Variants in ATP9A observed in about 807,000 individuals in gnomAD.
The protein encoded by ATP9A is ATPase phospholipid transporting 9A.
ATP9A carries 52 observed loss-of-function variants against 144.1 expected under a neutral mutation model. The ratio of observed to expected loss-of-function variants is 0.36; its 90% CI spans 0.29 to 0.45. ATP9A has a LOEUF of 0.45. Among genes scored for constraint, ATP9A ranks in the 20% least tolerant of loss-of-function variants. The pLI is 1.00. For synonymous variants in ATP9A, 582 were observed against 557.4 expected (o/e 1.04, Z -0.62); for missense variants, 947 against 1,392.7 (o/e 0.68, Z 5.09).
At chr20:51,606,536 A>G (rs2077164403) in intron 26 of ATP9A, among the ~76,000 whole-genome samples, 1 of 152,216 alleles carries the variant, frequency 6.6e-6, no homozygotes, top group South Asian at 2.1e-4. Flanking sequence ...ATCTCTACAA[A>G]AAATACAAAA....
At chr20:51,696,243 T>C (rs925687264) in intron 5 of ATP9A, 99 bp from the exon 6 acceptor site, 14 of 1,048,586 alleles carry the variant, frequency 1.3e-5, no homozygotes, top group African/African-American at 4.8e-5. Context: ...CCTCGGTGGG[T>C]TGGGGCAGGG....
intron 21 of ATP9A, among the ~76,000 whole-genome samples, chr20:51,618,384 C>T (rs757567006): frequency 7.9e-5 from 12 of 152,112 alleles, no homozygotes; most frequent in Non-Finnish European, 1.6e-4. Context: ...AACCCAGATC[C>T]AACCCCACAG....
At chr20:51,618,624 C>T in intron 21 of ATP9A, 38 bp downstream of exon 21, 1 of 1,576,850 alleles carries the variant, frequency 6.3e-7, no homozygotes, top group Non-Finnish European at 8.6e-7. Flanking sequence ...GGTGCACCGG[C>T]AGGCCAGGGC....
chr20:51,702,417 G>A (rs932253619), intron 4 of ATP9A, among the ~76,000 whole-genome samples: 5 of 146,942 alleles, frequency 3.4e-5, no homozygotes, highest in Non-Finnish European at 7.5e-5. Context: ...TGTAATGAGA[G>A]AAAATACAAA....
At chr20:51,650,336 C>A (rs545125086) in intron 14 of ATP9A, among the ~76,000 whole-genome samples, 1 of 152,202 alleles carries the variant, frequency 6.6e-6, no homozygotes, top group South Asian at 2.1e-4. Flanking sequence ...GAATTTGAGA[C>A]CAGCCTGGCC....
intron 2 of ATP9A, among the ~76,000 whole-genome samples, chr20:51,727,649 T>C (rs555041663): frequency 5.9e-5 from 9 of 152,098 alleles, no homozygotes; most frequent in African/African-American, 1.7e-4. Flanking sequence ...AAAAGTTAAA[T>C]GGCCGCACAC....
At chr20:51,621,573 G>A (rs1351819388) in intron 19 of ATP9A, among the ~76,000 whole-genome samples, 1 of 152,162 alleles carries the variant, frequency 6.6e-6, no homozygotes, top group Non-Finnish European at 1.5e-5. Context: ...CACAAGGGCG[G>A]GCGATTTCTC....
intron 9 of ATP9A, among the ~76,000 whole-genome samples, chr20:51,681,557 GA>G (rs2077499891): frequency 6.6e-6 from 1 of 151,608 alleles, no homozygotes; most frequent in East Asian, 1.9e-4. Flanking sequence ...AAGTAACTGG[GA>G]CTACAGGTGC....
chr20:51,640,046 T>C (rs755911040), intron 14 of ATP9A, among the ~76,000 whole-genome samples: 37 of 151,994 alleles, frequency 2.4e-4, no homozygotes, highest in Non-Finnish European at 2.6e-4. Context: ...GATCACGCCA[T>C]TGCACTCCAG....
chr20:51,601,650 A>C lies in ATP9A; in HGVS notation c.3008-303T>G, dbSNP rs184976887. Among the ~76,000 whole-genome samples, 460 of 152,344 alleles carry C rather than the reference A, an allele frequency of 3.0e-3. 2 individuals carry two copies. Among genetic ancestry groups the C allele is most frequent in the African/African-American group, 0.011 (447 of 41,594 alleles). ...CACCAGATGCAGTGGCTCATGCCTT[A>C]ATCCCAGCACTCTGGGAGGCCAAGG... On this transcript the variant is annotated intron_variant, in intron 27 of 27. Transcript: ENST00000338821.
At chr20:51,707,501 C>A (rs562078943) in intron 4 of ATP9A, among the ~76,000 whole-genome samples, 188 of 152,302 alleles carry the variant, frequency 1.2e-3, no homozygotes, top group African/African-American at 4.4e-3. Context: ...AAGAGCTTCA[C>A]TTACAGCAAC....
At chr20:51,687,031 A>G (rs1361374911) in intron 9 of ATP9A, among the ~76,000 whole-genome samples, 14 of 152,064 alleles carry the variant, frequency 9.2e-5, no homozygotes, top group Admixed American at 9.2e-4. Context: ...ACTGAATGAG[A>G]TAATTATTTT....
chr20:51,738,918 C>A (rs1326701057), intron 1 of ATP9A, among the ~76,000 whole-genome samples: 1 of 152,038 alleles, frequency 6.6e-6, no homozygotes, highest in Non-Finnish European at 1.5e-5. Context: ...CCCGCCTCCA[C>A]TAAAACTACA....
intron 4 of ATP9A, among the ~76,000 whole-genome samples, chr20:51,702,365 CGTGTGTGTGTGTGT>C (rs10578719): frequency 5.4e-5 from 7 of 130,306 alleles, no homozygotes; most frequent in East Asian, 2.2e-4. Flanking sequence ...TGTGTGTGTT[CGTGTGTGTGTGTGT>C]GTGTGTGTGT....
intron 14 of ATP9A, among the ~76,000 whole-genome samples, chr20:51,654,548 A>G (rs1568805010): frequency 6.6e-6 from 1 of 151,948 alleles, no homozygotes. Flanking sequence ...CACTCTGGCC[A>G]TAGTTACCAT....
At chr20:51,651,923 G>A (rs1019935823) in intron 14 of ATP9A, among the ~76,000 whole-genome samples, 2 of 151,954 alleles carry the variant, frequency 1.3e-5, no homozygotes, top group Non-Finnish European at 2.9e-5. Context: ...TCTCAAAAGC[G>A]CCTGGCCAAA....
intron 13 of ATP9A, among the ~76,000 whole-genome samples, chr20:51,657,660 G>C (rs934229624): frequency 4.7e-4 from 72 of 152,272 alleles, no homozygotes; most frequent in African/African-American, 1.7e-3. Flanking sequence ...AATCACCCTC[G>C]GCTTAGAACC....
chr20:51,682,607 T>TTTTTTTTTTTTTTTG (rs869232134), intron 9 of ATP9A, among the ~76,000 whole-genome samples: 1 of 124,080 alleles, frequency 8.1e-6, no homozygotes, highest in African/African-American at 3.4e-5. Context: ...TTTTTTTTTT[T>TTTTTTTTTTTTTTTG]GAGACAGAGT....
chr20:51,694,932 T>C (rs979894360), intron 6 of ATP9A, among the ~76,000 whole-genome samples: 1 of 152,210 alleles, frequency 6.6e-6, no homozygotes, highest in African/African-American at 2.4e-5. Context: ...TTTCACTAAA[T>C]AGGACACAAG....
Sources: gnomAD v4.1 joint callset for allele counts (sites outside exome capture counted in the v4.1 genomes callset) on GRCh38, gnomAD v4.1.1 for gene constraint, MANE v1.5 for transcripts, NCBI Gene and HGNC (gene_info 2026-07-23, HGNC 2026-07-21) for gene names.